GALNT18: variants seen among roughly 807,000 people sequenced by gnomAD.
The protein encoded by GALNT18 is polypeptide N-acetylgalactosaminyltransferase 18.
A neutral mutation model predicts 69.5 loss-of-function variants in GALNT18; 44 were observed. That is an observed-to-expected ratio of 0.63 (90% confidence interval 0.50 to 0.81). The LOEUF (loss-of-function observed/expected upper bound fraction) is 0.81. Ranked by LOEUF, GALNT18 falls within the 40% of genes least tolerant of loss-of-function variation. The pLI, the probability that GALNT18 is intolerant of heterozygous loss-of-function variation, is 0.00. For synonymous variants in GALNT18, 364 were observed against 318.2 expected, an observed-to-expected ratio of 1.14 and a Z score of -1.53; for missense variants, 715 against 810.0, an observed-to-expected ratio of 0.88 and a Z score of 1.42.
intron 5 of GALNT18, among the ~76,000 whole-genome samples, chr11:11,375,072 C>T (rs1853712699): frequency 6.6e-6 from 1 of 152,214 alleles, no homozygotes; most frequent in South Asian, 2.1e-4. Context: ...ACTTAGGGAA[C>T]AGCGATCACA....
At chr11:11,397,364 G>A (rs1854358254) in intron 3 of GALNT18, among the ~76,000 whole-genome samples, 1 of 152,134 alleles carries the variant, frequency 6.6e-6, no homozygotes, top group South Asian at 2.1e-4. Flanking sequence ...GGCTTTGGGA[G>A]GAGATTCTCA....
chr11:11,539,139 G>A (rs1857851138), intron 1 of GALNT18, among the ~76,000 whole-genome samples: 1 of 152,242 alleles, frequency 6.6e-6, no homozygotes, highest in Admixed American at 6.5e-5. Context: ...AGTGCTGAGG[G>A]CAAACGCATC....
intron 3 of GALNT18, among the ~76,000 whole-genome samples, chr11:11,425,361 A>C (rs555016763): frequency 6.6e-6 from 1 of 152,372 alleles, no homozygotes; most frequent in Admixed American, 6.5e-5. Flanking sequence ...GCTTGAAAGC[A>C]GCAGCAGGAG....
chr11:11,490,256 C>CAA (rs1564975751), intron 1 of GALNT18, among the ~76,000 whole-genome samples: 1 of 151,470 alleles, frequency 6.6e-6, no homozygotes, highest in Non-Finnish European at 1.5e-5. Flanking sequence ...CACACACACA[C>CAA]ACACACACAC....
intron 1 of GALNT18, among the ~76,000 whole-genome samples, chr11:11,519,987 G>T (rs537230410): frequency 6.6e-6 from 1 of 152,212 alleles, no homozygotes; most frequent in Non-Finnish European, 1.5e-5. Context: ...AGACCCGGAA[G>T]AGGTCACCAA....
intron 9 of GALNT18, among the ~76,000 whole-genome samples, chr11:11,307,287 G>C (rs1457056375): frequency 6.6e-6 from 1 of 152,162 alleles, no homozygotes; most frequent in Non-Finnish European, 1.5e-5. Context: ...TGGCACACAA[G>C]GGAGGTGTTC....
intron 10 of GALNT18, among the ~76,000 whole-genome samples, chr11:11,280,358 G>C (rs1849045810): frequency 6.6e-6 from 1 of 152,126 alleles, no homozygotes; most frequent in South Asian, 2.1e-4. Flanking sequence ...GCTCTCACAT[G>C]CCTAATGGCC....
At chr11:11,594,840 T>TATAC (rs1328261449) in intron 1 of GALNT18, among the ~76,000 whole-genome samples, 2 of 68,886 alleles carry the variant, frequency 2.9e-5, no homozygotes, top group Non-Finnish European at 7.6e-5. Context: ...TATATATATA[T>TATAC]ACACATATAC....
rs1384053666 is a variant in GALNT18 at position 11,586,545 on chromosome 11, G to A, written c.235+34814C>T. ...GCCTCTGTGAAGTGAGATCTTCCCT[G>A]TTGACAGGCAGAAACCACCAGGAAC... is the stretch of plus-strand genomic sequence containing the variant. On this transcript the variant is annotated intron_variant, in intron 1 of 10. Coordinates refer to ENST00000227756, the MANE Select transcript of GALNT18 (RefSeq NM_198516.3). This position sits in a 1 kb window ranked among gnomAD's most constrained non-coding sequence, Gnocchi z 4.1. Among the ~76,000 whole-genome samples, 1 of 152,130 alleles carries A rather than the reference G, an allele frequency of 6.6e-6. No homozygotes were observed. The highest frequency in any genetic ancestry group is 1.5e-5 in the Non-Finnish European group (1 of 68,040).
intron 1 of GALNT18, among the ~76,000 whole-genome samples, chr11:11,551,657 G>T (rs1858194258): frequency 3.9e-5 from 6 of 152,158 alleles, no homozygotes; most frequent in Admixed American, 3.9e-4. Context: ...CATTTTCTGG[G>T]CTGCAATAAG....
rs772924593 is a variant in GALNT18, at chr11:11,432,649, G to C, written c.567C>G (p.Ile189Met). The part of the protein sequence containing the change: ...ERTPPHLLKE[I>M]ILVDDNSSNE... ...TACTGCTGTTGTCATCCACCAGAATGATCTCCTTGAGCAGATGTGGGGGCG... is the reference window on the plus strand; with the variant it reads ...TACTGCTGTTGTCATCCACCAGAATCATCTCCTTGAGCAGATGTGGGGGCG... The change falls in exon 3 of 11, where the codon ATC becomes ATG. Residue 189 changes from isoleucine (I) to methionine (M), a missense_variant. Coordinates refer to ENST00000227756, the MANE Select transcript of GALNT18 (RefSeq NM_198516.3). This position sits in a 1 kb window ranked among gnomAD's most constrained non-coding sequence, Gnocchi z 5.8. The C allele has an allele frequency of 6.2e-6, 10 of 1,610,700 alleles. No individual in the cohort carries two copies. The highest frequency in any genetic ancestry group is 1.7e-5 in the Admixed American group (1 of 59,662).
chr11:11,432,861 C>A lies in GALNT18; in HGVS notation c.429-74G>T. 6.7e-7 allele frequency: 1 copy of A among 1,487,796 alleles called. No individual in the cohort carries two copies. The highest frequency in any genetic ancestry group is 2.3e-5 in the East Asian group (1 of 43,374). 92.2% of individuals were successfully genotyped at this position (1,487,796 alleles called of 1,614,324 possible). A position where few individuals can be genotyped will look rare whatever the true frequency, so the allele number is the denominator to read the frequency against. ...CTCAGGAGCTGACCCAGCCCATGTC[C>A]TGGCTCCAGCTTTGCTGGAGGGCTC... On this transcript the variant is annotated intron_variant, in intron 2 of 10. Coordinates refer to ENST00000227756, the MANE Select transcript of GALNT18 (RefSeq NM_198516.3). This position sits in a 1 kb window ranked among gnomAD's most constrained non-coding sequence, Gnocchi z 5.8.
chr11:11,471,653 G>A (rs934484042), intron 1 of GALNT18, among the ~76,000 whole-genome samples: 3 of 152,162 alleles, frequency 2.0e-5, no homozygotes, highest in African/African-American at 4.8e-5. Context: ...GGCACACAAA[G>A]TAAAAATAAG....
In GALNT18 at chr11:11,274,630, C is replaced by T. The variant is rs1848899353; in HGVS notation, c.1678-3340G>A. ...TTTTGTTACATAGGTATATGCATGC[C>T]ATGGTGGTTTGCTGCACCCATCAAC... On this transcript the variant is annotated intron_variant, in intron 10 of 10. Coordinates refer to ENST00000227756, the MANE Select transcript of GALNT18 (RefSeq NM_198516.3). 4.6e-5 allele frequency among the ~76,000 whole-genome samples: 7 copies of T among 152,258 alleles called. No individual in the cohort carries two copies. The South Asian group carries it at 1.5e-3, about 32-fold the overall frequency.
intron 1 of GALNT18, among the ~76,000 whole-genome samples, chr11:11,464,978 C>A (rs1255957257): frequency 6.6e-6 from 1 of 152,120 alleles, no homozygotes; most frequent in Non-Finnish European, 1.5e-5. Flanking sequence ...GGGCTGGGAG[C>A]TGGGGATGGA....
In GALNT18 at chr11:11,621,454, G is replaced by C; in HGVS notation, c.140C>G (p.Ala47Gly). 6.2e-7 allele frequency: 1 copy of C among 1,614,122 alleles called. No individual in the cohort carries two copies. The highest frequency in any genetic ancestry group is 1.1e-5 in the South Asian group (1 of 91,074). ...ASVYVRGQEP[A>G]PDKKLEEDKG... ...GTCTTCCTCCAGCTTCTTGTCGGGC[G>C]CCGGCTCCTGCCCCCGCACATACAC... Residue 47 changes from alanine to glycine, a missense_variant, in exon 1 of 11, where the codon GCG (alanine) becomes GGG (glycine). Physicochemically the swap from Ala to Gly is moderately conservative, Grantham distance 60. Transcript: ENST00000227756. This position sits in a 1 kb window ranked among gnomAD's most constrained non-coding sequence, Gnocchi z 9.3.
intron 10 of GALNT18, among the ~76,000 whole-genome samples, chr11:11,277,099 T>C (rs927629589): frequency 1.2e-4 from 18 of 152,192 alleles, no homozygotes; most frequent in African/African-American, 4.3e-4. Context: ...CCAGCAACTC[T>C]TTGTGCCTCT....
Position 11,511,402 on chromosome 11 carries a change from T to C in GALNT18, c.236-62466A>G, listed in dbSNP as rs150902647. 3.9e-5 allele frequency among the ~76,000 whole-genome samples: 6 copies of C among 152,254 alleles called. No homozygotes were observed. In the East Asian group the frequency reaches 1.2e-3, roughly 30 times the overall value. ...TGTCCCCGCAGCCAAGGCTGAAGCA[T>C]GACCTAGCCAGTCCCCTACAGCTAA... On this transcript the variant is annotated intron_variant, in intron 1 of 10. Coordinates refer to ENST00000227756, the MANE Select transcript of GALNT18 (RefSeq NM_198516.3). This position sits in a 1 kb window ranked among gnomAD's most constrained non-coding sequence, Gnocchi z 4.9.
chr11:11,408,129 G>T (rs886127988), intron 3 of GALNT18, among the ~76,000 whole-genome samples: 3 of 152,168 alleles, frequency 2.0e-5, no homozygotes, highest in Non-Finnish European at 4.4e-5. Flanking sequence ...ACTTTGGAAG[G>T]CCAAGGCAGG....
Sources: allele counts gnomAD v4.1 joint callset (sites outside exome capture counted in the v4.1 genomes callset), GRCh38; gene constraint gnomAD v4.1.1; non-coding constraint Gnocchi (gnomAD v3.1); transcripts MANE v1.5; gene names NCBI Gene and HGNC (gene_info 2026-07-23, HGNC 2026-07-21).